Variants in LRP1B observed in about 807,000 individuals in gnomAD.
LRP1B encodes LDL receptor related protein 1B.
LRP1B carries 217 observed loss-of-function variants against 556.6 expected under a neutral mutation model. That is an observed-to-expected ratio of 0.39 (90% CI 0.35 to 0.44). LRP1B has a LOEUF of 0.44. Ranked by LOEUF, LRP1B falls within the 20% of genes least tolerant of loss-of-function variation. LRP1B has a pLI of 1.00. For synonymous variants in LRP1B, 2,047 were observed against 1,865.8 expected, an observed-to-expected ratio of 1.10 and a Z score of -2.50; for missense variants, 5,053 against 5,620.8, an observed-to-expected ratio of 0.90 and a Z score of 3.23.
chr2:140,495,283 A>G (rs1337456780), intron 56 of LRP1B, among the ~76,000 whole-genome samples: 1 of 150,736 alleles, frequency 6.6e-6, no homozygotes, highest in Non-Finnish European at 1.5e-5. Flanking sequence ...AGAACATGTG[A>G]TTCAGCAGGA....
At chr2:141,384,159 C>G (rs1689745165) in intron 3 of LRP1B, among the ~76,000 whole-genome samples, 1 of 151,688 alleles carries the variant, frequency 6.6e-6, no homozygotes, top group Non-Finnish European at 1.5e-5. Flanking sequence ...TAGTTACATG[C>G]CAAAGCTAAG....
At chr2:141,865,812 T>C (rs1309257130) in intron 1 of LRP1B, among the ~76,000 whole-genome samples, 1 of 152,210 alleles carries the variant, frequency 6.6e-6, no homozygotes, top group Admixed American at 6.5e-5. Flanking sequence ...TAAATGGGTT[T>C]ACACAAGGTC....
chr2:141,697,800 G>A (rs1230187604), intron 2 of LRP1B, among the ~76,000 whole-genome samples: 1 of 151,900 alleles, frequency 6.6e-6, no homozygotes, highest in Non-Finnish European at 1.5e-5. Context: ...GCTACAAATA[G>A]CATTCAAAAC....
intron 18 of LRP1B, among the ~76,000 whole-genome samples, chr2:140,958,914 A>G (rs1695952853): frequency 6.6e-6 from 1 of 151,678 alleles, no homozygotes; most frequent in African/African-American, 2.4e-5. Context: ...AGGGTTAGGT[A>G]GAGACAGAGG....
chr2:141,981,662 G>A (rs536930173), intron 1 of LRP1B, among the ~76,000 whole-genome samples: 3 of 152,154 alleles, frequency 2.0e-5, no homozygotes, highest in Non-Finnish European at 4.4e-5. Context: ...GAAGCATGGA[G>A]ATCACATAGA....
chr2:141,765,386 G>GT (rs909482534), intron 2 of LRP1B, among the ~76,000 whole-genome samples: 15 of 151,086 alleles, frequency 9.9e-5, no homozygotes, highest in African/African-American at 1.2e-4. Flanking sequence ...AGCTAGCTTA[G>GT]TTTTTTTTTC....
chr2:141,484,111 C>G (rs1301167223), intron 2 of LRP1B, among the ~76,000 whole-genome samples: 1 of 151,840 alleles, frequency 6.6e-6, no homozygotes, highest in African/African-American at 2.4e-5. Context: ...ATCATTAAGT[C>G]TTTAATCCAT....
intron 1 of LRP1B, among the ~76,000 whole-genome samples, chr2:141,986,947 T>A (rs1418844352): frequency 6.6e-6 from 1 of 152,004 alleles, no homozygotes; most frequent in East Asian, 1.9e-4. Context: ...TTGTACCACT[T>A]ATTATCTATG....
intron 2 of LRP1B, among the ~76,000 whole-genome samples, chr2:141,509,454 C>T (rs1559112026): frequency 6.6e-6 from 1 of 152,086 alleles, no homozygotes; most frequent in Non-Finnish European, 1.5e-5. Context: ...TTGAGTGATG[C>T]TTATGACTAC....
chr2:140,433,026 T>A (rs1461446895), intron 66 of LRP1B, among the ~76,000 whole-genome samples: 1 of 152,222 alleles, frequency 6.6e-6, no homozygotes, highest in Non-Finnish European at 1.5e-5. Context: ...TTTTTGTCAA[T>A]ACAATTTACT....
At chr2:141,645,247 T>C (rs1359842513) in intron 2 of LRP1B, among the ~76,000 whole-genome samples, 1 of 152,080 alleles carries the variant, frequency 6.6e-6, no homozygotes, top group African/African-American at 2.4e-5. Context: ...GAATTTATTG[T>C]TGGGAATGGA....
At chr2:141,119,057 A>C (rs2104990395) in intron 7 of LRP1B, among the ~76,000 whole-genome samples, 1 of 152,112 alleles carries the variant, frequency 6.6e-6, no homozygotes, top group East Asian at 1.9e-4. Flanking sequence ...GGAGACAAGA[A>C]GAGAGAAAAT....
chr2:140,818,764 A>G (rs1251308174), intron 31 of LRP1B, among the ~76,000 whole-genome samples: 2 of 151,886 alleles, frequency 1.3e-5, no homozygotes. Flanking sequence ...GCAAAACTCC[A>G]TCTCTACTAA....
chr2:141,640,640 A>T (rs1394709939), intron 2 of LRP1B, among the ~76,000 whole-genome samples: 2 of 152,036 alleles, frequency 1.3e-5, no homozygotes, highest in African/African-American at 4.8e-5. Flanking sequence ...ACCCACCTAC[A>T]AAAAGTAGCC....
At chr2:140,732,278 A>T (rs1381581769) in intron 35 of LRP1B, among the ~76,000 whole-genome samples, 2 of 152,118 alleles carry the variant, frequency 1.3e-5, no homozygotes, top group Non-Finnish European at 2.9e-5. Context: ...TTGCTAATCA[A>T]ATTCTGAAAC....
chr2:141,456,275 T>C (rs1443766802), intron 3 of LRP1B, among the ~76,000 whole-genome samples: 1 of 152,230 alleles, frequency 6.6e-6, no homozygotes, highest in South Asian at 2.1e-4. Context: ...CCATCTATTA[T>C]TTACTTTTAA....
chr2:141,138,145 T>C (rs1271469483), intron 7 of LRP1B, among the ~76,000 whole-genome samples: 1 of 151,928 alleles, frequency 6.6e-6, no homozygotes, highest in African/African-American at 2.4e-5. Context: ...TATTAGAATA[T>C]CAATGTAATT....
chr2:142,069,257 G>T (rs918541649), intron 1 of LRP1B, among the ~76,000 whole-genome samples: 2 of 151,630 alleles, frequency 1.3e-5, no homozygotes, highest in Admixed American at 6.6e-5. Flanking sequence ...AGTTTGAAGA[G>T]AATTTTACCA....
chr2:140,603,176 C>A (rs2105204186), intron 41 of LRP1B, among the ~76,000 whole-genome samples: 1 of 152,052 alleles, frequency 6.6e-6, no homozygotes, highest in Non-Finnish European at 1.5e-5. Context: ...ACACAGTCAA[C>A]AAAGCAGTCT....
Sources: allele counts gnomAD v4.1 joint callset (sites outside exome capture counted in the v4.1 genomes callset), GRCh38; gene constraint gnomAD v4.1.1; transcripts MANE v1.5; gene names NCBI Gene and HGNC (gene_info 2026-07-23, HGNC 2026-07-21).